The following TNNI3K variants were observed in gnomAD, a reference collection of about 807,000 sequenced individuals.
TNNI3K encodes the protein TNNI3 interacting kinase.
Under a neutral mutation model 114.5 loss-of-function variants are expected in TNNI3K, and 140 were observed. The ratio of observed to expected loss-of-function variants is 1.22; its 90% CI spans 1.07 to 1.41. The LOEUF (loss-of-function observed/expected upper bound fraction) is 1.41, where lower values mean the gene tolerates loss of function less well. Among genes scored for constraint, TNNI3K ranks in the 40% most tolerant of loss-of-function variants. The pLI is 0.00. For missense variants in TNNI3K, 1,125 were observed against 1,007.6 expected (o/e 1.12, Z -1.58); for synonymous variants, 347 against 347.5 (o/e 1.00, Z 0.02).
At chr1:74,251,790 C>A (rs1027454215) in intron 4 of TNNI3K, among the ~76,000 whole-genome samples, 8 of 152,180 alleles carry the variant, frequency 5.3e-5, no homozygotes, top group Non-Finnish European at 1.2e-4. Context: ...TTCCCATGAT[C>A]TAGCATCACA....
chr1:74,309,196 G>A (rs1184123562), intron 5 of TNNI3K, among the ~76,000 whole-genome samples: 6 of 149,470 alleles, frequency 4.0e-5, no homozygotes, highest in African/African-American at 2.5e-5. Context: ...GTGAAACCCC[G>A]TCTCTACTAA....
intron 5 of TNNI3K, among the ~76,000 whole-genome samples, chr1:74,293,977 A>G (rs1334087803): frequency 6.6e-6 from 1 of 151,780 alleles, no homozygotes; most frequent in Admixed American, 6.6e-5. Flanking sequence ...TATTTCATTA[A>G]TATGCTAATT....
chr1:74,292,556 A>G (rs1426988192), intron 5 of TNNI3K, among the ~76,000 whole-genome samples: 2 of 151,628 alleles, frequency 1.3e-5, no homozygotes, highest in Non-Finnish European at 3.0e-5. Flanking sequence ...TACTGTAAGC[A>G]AAGAACTTCG....
At chr1:74,442,264 A>T (rs552908532) in intron 20 of TNNI3K, among the ~76,000 whole-genome samples, 1 of 152,080 alleles carries the variant, frequency 6.6e-6, no homozygotes, top group Non-Finnish European at 1.5e-5. Flanking sequence ...ATTTTTCAAA[A>T]ATCAGTTGAC....
In TNNI3K at chr1:74,429,671, G is replaced by A. The variant is rs191595650; in HGVS notation, c.1773-6409G>A. Among the ~76,000 whole-genome samples, 456 of 152,230 alleles carry A rather than the reference G, an allele frequency of 3.0e-3. 2 individuals carry two copies. The highest frequency in any genetic ancestry group is 0.01 in the African/African-American group (427 of 41,558). ...GGCAAAATATGGCAGCCAGCAGATC[G>A]GAAGACCAGGACTCCTTAGCATCAG... On this transcript the variant is annotated intron_variant, in intron 17 of 24. Coordinates refer to ENST00000326637, the MANE Select transcript of TNNI3K (RefSeq NM_015978.3).
At chr1:74,476,814 A>G (rs1368653522) in intron 21 of TNNI3K, among the ~76,000 whole-genome samples, 1 of 152,166 alleles carries the variant, frequency 6.6e-6, no homozygotes, top group Non-Finnish European at 1.5e-5. Flanking sequence ...TCCACTGGAG[A>G]CAATATTAAT....
Position 74,439,492 on chromosome 1 carries a change from C to T in TNNI3K, c.1881C>T (p.Asn627=). ...DEDNMTKQPG[N]LRWMAPEVFT... ...TGTGGATGTTTCTTGATGTGCAGAA[C>T]CTCCGTTGGATGGCTCCTGAGGTGT... The change falls in exon 20 of 25, where the codon AAC becomes AAT. Residue 627 remains asparagine, a splice_region_variant and synonymous_variant. Transcript: ENST00000326637. 6.2e-7 allele frequency: 1 copy of T among 1,611,672 alleles called. No homozygotes were observed. The highest frequency in any genetic ancestry group is 8.5e-7 in the Non-Finnish European group (1 of 1,178,762).
At chr1:74,333,312 G>C (rs147472132) in intron 6 of TNNI3K, among the ~76,000 whole-genome samples, 5 of 152,348 alleles carry the variant, frequency 3.3e-5, no homozygotes, top group African/African-American at 1.2e-4. Context: ...GTGCACTGGA[G>C]TGCAATGAAG....
chr1:74,450,336 A>G (rs1228764301), intron 20 of TNNI3K, among the ~76,000 whole-genome samples: 1 of 151,956 alleles, frequency 6.6e-6, no homozygotes, highest in Admixed American at 6.6e-5. Flanking sequence ...TAACATCACA[A>G]TGAAAAGAAC....
chr1:74,480,564 A>G, intron 21 of TNNI3K: 1 of 717,344 alleles, frequency 1.4e-6, no homozygotes. Flanking sequence ...AAATTGTTGG[A>G]TAAATCCAGA....
chr1:74,315,216 G>A (rs957281869), intron 5 of TNNI3K, among the ~76,000 whole-genome samples: 10 of 152,152 alleles, frequency 6.6e-5, no homozygotes, highest in African/African-American at 2.4e-4. Context: ...ACAAGTAAAA[G>A]TGTCTTTAGA....
intron 21 of TNNI3K, chr1:74,469,750 G>T: frequency 2.5e-6 from 1 of 396,170 alleles, no homozygotes; most frequent in Non-Finnish European, 4.5e-6. Context: ...TGATAACAAA[G>T]AGTTACTGAG....
At chr1:74,479,094 T>C (rs930063658) in intron 21 of TNNI3K, among the ~76,000 whole-genome samples, 2 of 152,176 alleles carry the variant, frequency 1.3e-5, no homozygotes, top group African/African-American at 2.4e-5. Context: ...TAATGATTTA[T>C]AGCACATATT....
At chr1:74,290,070 C>T (rs1046286158) in intron 5 of TNNI3K, among the ~76,000 whole-genome samples, 3 of 151,744 alleles carry the variant, frequency 2.0e-5, no homozygotes, top group African/African-American at 7.2e-5. Context: ...TGGAAACCTC[C>T]TGTGAATGAG....
rs557391724 is a variant in TNNI3K, at chr1:74,274,545, T to G, written c.444+2837T>G. Reference sequence around the variant, plus strand: ...TGATACAACAAAATAAGACATAGATTTTTCCCCTAAATATTCTGTAATGCA... The same window carrying G: ...TGATACAACAAAATAAGACATAGATGTTTCCCCTAAATATTCTGTAATGCA... On this transcript the variant is annotated intron_variant, in intron 5 of 24. Coordinates refer to ENST00000326637, the MANE Select transcript of TNNI3K (RefSeq NM_015978.3). Among the ~76,000 whole-genome samples, 10 of 152,072 alleles carry G rather than the reference T, an allele frequency of 6.6e-5. No individual in the cohort carries two copies. In the East Asian group the frequency reaches 1.9e-3, roughly 29 times the overall value.
intron 20 of TNNI3K, among the ~76,000 whole-genome samples, chr1:74,440,736 C>G (rs1441058349): frequency 6.6e-6 from 1 of 152,064 alleles, no homozygotes; most frequent in African/African-American, 2.4e-5. Context: ...AGACTTAGCC[C>G]TTATTATAGT....
At chr1:74,250,831 C>CTTT (rs11437074) in intron 4 of TNNI3K, 62 bp downstream of exon 4, 238 of 960,040 alleles carry the variant, frequency 2.5e-4, no homozygotes, top group South Asian at 9.7e-4. Context: ...TATCTTTAGG[C>CTTT]TTTTTTTTTT....
At chr1:74,541,054 G>A (rs1221577231) in intron 24 of TNNI3K, among the ~76,000 whole-genome samples, 1 of 152,128 alleles carries the variant, frequency 6.6e-6, no homozygotes, top group Non-Finnish European at 1.5e-5. Flanking sequence ...TGGAATTTTA[G>A]CACAATGGGC....
chr1:74,274,007 C>CATCA (rs2100899438), intron 5 of TNNI3K, among the ~76,000 whole-genome samples: 1 of 151,966 alleles, frequency 6.6e-6, no homozygotes, highest in South Asian at 2.1e-4. Flanking sequence ...GAGCACTGAT[C>CATCA]CCCTGTACAG....
Sources: gnomAD v4.1 joint callset for allele counts (sites outside exome capture counted in the v4.1 genomes callset) on GRCh38, gnomAD v4.1.1 for gene constraint, MANE v1.5 for transcripts, NCBI Gene and HGNC (gene_info 2026-07-23, HGNC 2026-07-21) for gene names.